KCNT2: variants seen among roughly 807,000 people sequenced by gnomAD.
KCNT2 encodes potassium channel subfamily T member 2.
In KCNT2, 67 loss-of-function variants were observed where a neutral mutation model predicts 153.8. The ratio of observed to expected loss-of-function variants is 0.44; its 90% confidence interval spans 0.36 to 0.53. KCNT2 has a LOEUF of 0.53. KCNT2 is among the 20% of genes least tolerant of loss of function. The pLI, the probability that KCNT2 is intolerant of heterozygous loss-of-function variation, is 0.00. For missense variants in KCNT2, 975 were observed against 1,354.8 expected (o/e 0.72, Z 4.40); for synonymous variants, 500 against 458.8 (o/e 1.09, Z -1.15).
At chr1:196,565,857 A>G (rs1306034701) in intron 1 of KCNT2, among the ~76,000 whole-genome samples, 1 of 151,634 alleles carries the variant, frequency 6.6e-6, no homozygotes, top group African/African-American at 2.4e-5. Context: ...TAAATGATAC[A>G]AAATTTATAT....
intron 1 of KCNT2, among the ~76,000 whole-genome samples, chr1:196,591,717 T>C (rs1663385515): frequency 6.6e-6 from 1 of 152,186 alleles, no homozygotes; most frequent in Non-Finnish European, 1.5e-5. Flanking sequence ...TGTGGGATGA[T>C]ATCCTTCAAG....
chr1:196,249,527 C>G (rs112638464), intron 26 of KCNT2, among the ~76,000 whole-genome samples: 7,545 of 152,166 alleles, frequency 0.05, 284 homozygotes, highest in Non-Finnish European at 0.071. Flanking sequence ...AATCCCAGCA[C>G]TTTGGGAGGC....
At chr1:196,410,708 C>A (rs1415375512) in intron 12 of KCNT2, among the ~76,000 whole-genome samples, 1 of 37,472 alleles carries the variant, frequency 2.7e-5, no homozygotes, top group African/African-American at 7.6e-5. Flanking sequence ...GTGCTCAGTG[C>A]TTAAAAAAAA....
chr1:196,507,848 C>T (rs1384847946), intron 1 of KCNT2, among the ~76,000 whole-genome samples: 1 of 151,804 alleles, frequency 6.6e-6, no homozygotes, highest in Non-Finnish European at 1.5e-5. Context: ...CTATAGATTC[C>T]ATAAGCTTCC....
intron 14 of KCNT2, among the ~76,000 whole-genome samples, chr1:196,371,835 G>A (rs1161337820): frequency 9.2e-5 from 14 of 151,998 alleles, no homozygotes; most frequent in African/African-American, 2.7e-4. Context: ...AATGAGCTGT[G>A]TTATATAGTG....
At chr1:196,431,233 C>T (rs915791056) in intron 8 of KCNT2, among the ~76,000 whole-genome samples, 4 of 152,074 alleles carry the variant, frequency 2.6e-5, no homozygotes, top group African/African-American at 9.7e-5. Flanking sequence ...GTTACAGCAG[C>T]ACAAATGAAC....
At chr1:196,289,330 C>T (rs1659973259) in intron 22 of KCNT2, among the ~76,000 whole-genome samples, 1 of 152,038 alleles carries the variant, frequency 6.6e-6, no homozygotes, top group Admixed American at 6.6e-5. Context: ...TTTTTTGAAA[C>T]CTATTACACC....
chr1:196,409,921 A>G (rs947791594), intron 12 of KCNT2, among the ~76,000 whole-genome samples: 2 of 151,706 alleles, frequency 1.3e-5, no homozygotes, highest in Non-Finnish European at 2.9e-5. Context: ...CAACCAGTGC[A>G]CAAGGTTTTG....
intron 22 of KCNT2, among the ~76,000 whole-genome samples, chr1:196,297,025 A>T (rs1660733446): frequency 1.3e-5 from 2 of 152,000 alleles, no homozygotes; most frequent in South Asian, 4.1e-4. Flanking sequence ...AACCTTTGTC[A>T]TCCTAGATGA....
chr1:196,597,666 G>A (rs899179836), intron 1 of KCNT2, among the ~76,000 whole-genome samples: 3 of 152,036 alleles, frequency 2.0e-5, no homozygotes, highest in African/African-American at 4.8e-5. Context: ...TCTTTGCTCT[G>A]GCTAACCTCG....
In KCNT2 at chr1:196,442,519, C is replaced by A. The variant is rs373586709; in HGVS notation, c.639-12762G>T. ...GTATACAACTACAGAAAGAAGAGGC[C>A]CCAGAGTTATGACTTCCGTTCATAG... is the stretch of plus-strand genomic sequence containing the variant. On this transcript the variant is annotated intron_variant, in intron 8 of 27. Transcript: ENST00000294725. Among the ~76,000 whole-genome samples, 8 of 151,630 alleles carry A rather than the reference C, an allele frequency of 5.3e-5. No individual in the cohort carries two copies. In the South Asian group the frequency reaches 8.3e-4, roughly 16 times the overall value.
chr1:196,552,201 A>G (rs996503938), intron 1 of KCNT2, among the ~76,000 whole-genome samples: 1 of 151,448 alleles, frequency 6.6e-6, no homozygotes, highest in Non-Finnish European at 1.5e-5. Context: ...ATAATAAACA[A>G]CAGTCTAATT....
At chr1:196,560,620 G>A (rs1279764105) in intron 1 of KCNT2, among the ~76,000 whole-genome samples, 1 of 151,788 alleles carries the variant, frequency 6.6e-6, no homozygotes, top group Non-Finnish European at 1.5e-5. Flanking sequence ...CTCTCTGTGG[G>A]AAAACAGGAG....
chr1:196,573,687 AAG>A (rs1374731732), intron 1 of KCNT2, among the ~76,000 whole-genome samples: 1 of 151,970 alleles, frequency 6.6e-6, no homozygotes, highest in Non-Finnish European at 1.5e-5. Flanking sequence ...GGGAGAGAGA[AAG>A]AGGAGGGAAG....
At chr1:196,340,998 C>T (rs1924755) in intron 15 of KCNT2, among the ~76,000 whole-genome samples, 39,709 of 151,432 alleles carry the variant, frequency 0.26, 7,253 homozygotes, top group African/African-American at 0.52. Context: ...GAATTTATCA[C>T]AGTTGGTTTA....
At chr1:196,255,094 C>A (rs1329847177) in intron 26 of KCNT2, among the ~76,000 whole-genome samples, 1 of 151,530 alleles carries the variant, frequency 6.6e-6, no homozygotes, top group Non-Finnish European at 1.5e-5. Context: ...ATCATAAAAT[C>A]CATCAATAGA....
chr1:196,395,250 G>A (rs933837814), intron 13 of KCNT2, among the ~76,000 whole-genome samples: 5 of 151,258 alleles, frequency 3.3e-5, no homozygotes, highest in East Asian at 3.9e-4. Flanking sequence ...AATGAGTTTC[G>A]TATCAAGGCT....
chr1:196,372,770 C>T (rs1668644707), intron 14 of KCNT2, among the ~76,000 whole-genome samples: 2 of 151,778 alleles, frequency 1.3e-5, no homozygotes, highest in Admixed American at 1.3e-4. Flanking sequence ...ACTTTAAGTT[C>T]TTATACTAAT....
At chr1:196,489,434 A>G (rs1266498406) in intron 3 of KCNT2, among the ~76,000 whole-genome samples, 1 of 151,986 alleles carries the variant, frequency 6.6e-6, no homozygotes, top group Non-Finnish European at 1.5e-5. Flanking sequence ...AAAGAAAAAG[A>G]AGAAAACTAT....
Sources: allele counts gnomAD v4.1 joint callset (sites outside exome capture counted in the v4.1 genomes callset), GRCh38; gene constraint gnomAD v4.1.1; transcripts MANE v1.5; gene names NCBI Gene and HGNC (gene_info 2026-07-23, HGNC 2026-07-21).